UST: variants seen among roughly 807,000 people sequenced by gnomAD.
The protein encoded by UST is chondroitin sulfate 2-O-sulfotransferase.
Under a neutral mutation model 45.6 loss-of-function variants are expected in UST, and 21 were observed. That is an observed-to-expected ratio of 0.46 (90% confidence interval 0.33 to 0.66). The LOEUF is 0.66. Among genes scored for constraint, UST ranks in the 30% least tolerant of loss-of-function variants. The pLI is 0.02. For synonymous variants in UST, 215 were observed against 200.6 expected, an observed-to-expected ratio of 1.07 and a Z score of -0.61; for missense variants, 463 against 512.4, an observed-to-expected ratio of 0.90 and a Z score of 0.93.
chr6:148,835,808 C>T (rs147499610), intron 1 of UST, among the ~76,000 whole-genome samples: 3 of 152,242 alleles, frequency 2.0e-5, no homozygotes, highest in Admixed American at 2.0e-4. Context: ...TAGGAAGTTC[C>T]GAGCAATCAG....
intron 1 of UST, among the ~76,000 whole-genome samples, chr6:148,869,232 C>T (rs1778504229): frequency 6.6e-6 from 1 of 152,166 alleles, no homozygotes; most frequent in Non-Finnish European, 1.5e-5. Flanking sequence ...TTTATCTGTG[C>T]ATAGAGTAAC....
At chr6:148,813,630 T>G (rs1777300901) in intron 1 of UST, among the ~76,000 whole-genome samples, 1 of 152,196 alleles carries the variant, frequency 6.6e-6, no homozygotes, top group African/African-American at 2.4e-5. Context: ...TCCACCCACC[T>G]TGGCCTCCCA....
chr6:148,855,722 T>C (rs1465566628), intron 1 of UST, among the ~76,000 whole-genome samples: 1 of 152,186 alleles, frequency 6.6e-6, no homozygotes, highest in Non-Finnish European at 1.5e-5. Flanking sequence ...CTCACTAATG[T>C]TCATAATATT....
At chr6:148,917,119 G>A (rs2114888817) in intron 2 of UST, among the ~76,000 whole-genome samples, 1 of 152,352 alleles carries the variant, frequency 6.6e-6, no homozygotes, top group East Asian at 1.9e-4. Context: ...CAGTCACCCT[G>A]TAGGCTCCAA....
chr6:148,752,891 G>A (rs1047663445), intron 1 of UST, among the ~76,000 whole-genome samples: 2 of 151,542 alleles, frequency 1.3e-5, no homozygotes. Flanking sequence ...CTTTTTTTTT[G>A]TTTTTTGGAA....
intron 5 of UST, among the ~76,000 whole-genome samples, chr6:148,971,603 C>A (rs1275420105): frequency 6.6e-6 from 1 of 151,912 alleles, no homozygotes; most frequent in East Asian, 1.9e-4. Flanking sequence ...GGAAGAACAC[C>A]CAGGCATAGG....
intron 1 of UST, among the ~76,000 whole-genome samples, chr6:148,820,701 A>G (rs186844078): frequency 1.3e-5 from 2 of 151,708 alleles, no homozygotes; most frequent in African/African-American, 4.8e-5. Context: ...ATACAAAAAA[A>G]AATTAGCCAG....
chr6:148,949,395 A>AAAT (rs71007932), intron 3 of UST, among the ~76,000 whole-genome samples: 9,603 of 136,756 alleles, frequency 0.07, 363 homozygotes, highest in Middle Eastern at 0.086. Flanking sequence ...CTTTGTCTCA[A>AAAT]AATAATAATA....
chr6:148,901,851 G>T (rs1428658557), intron 2 of UST, among the ~76,000 whole-genome samples: 2 of 152,046 alleles, frequency 1.3e-5, no homozygotes, highest in Non-Finnish European at 2.9e-5. Context: ...GAGCCACTGC[G>T]CCTGGCTGAC....
Position 148,964,456 on chromosome 6 carries a change from G to A in UST, c.574G>A (p.Val192Ile), listed in dbSNP as rs377151286. 3.3e-5 allele frequency: 54 copies of A among 1,614,038 alleles called. No homozygotes were observed. The highest frequency in any genetic ancestry group is 6.6e-5 in the South Asian group (6 of 91,092). Residue 192 changes from valine (V) to isoleucine (I), a missense_variant, in exon 5 of 8, where the codon GTC becomes ATC. Physicochemically the swap from Val to Ile is conservative, Grantham distance 29. Around this residue, in one of 2 missense-constraint regions of UST, gnomAD observed 287 missense variants for 374.2 expected, o/e 0.77. Coordinates refer to ENST00000367463, the MANE Select transcript of UST (RefSeq NM_005715.3). Reference sequence around the variant, plus strand: ...CTACATCAACATCATTAGAGACCCCGTCAACCGGTTCTTATCCAACTATTT... The same window carrying A: ...CTACATCAACATCATTAGAGACCCCATCAACCGGTTCTTATCCAACTATTT... Reference protein sequence around the residue: ...PVYINIIRDPVNRFLSNYFFR... With the variant: ...PVYINIIRDPINRFLSNYFFR...
At chr6:148,836,899 AC>A (rs1208559397) in intron 1 of UST, among the ~76,000 whole-genome samples, 2 of 152,212 alleles carry the variant, frequency 1.3e-5, no homozygotes, top group East Asian at 3.8e-4. Flanking sequence ...GAAGACACTT[AC>A]ATTTGGGGGA....
In UST at chr6:148,883,845, C is replaced by T. The variant is rs530747273; in HGVS notation, c.248-3141C>T. Among the ~76,000 whole-genome samples the T allele has an allele frequency of 2.0e-5, 3 of 152,260 alleles. No individual in the cohort carries two copies. In the East Asian group the frequency reaches 5.8e-4, roughly 29 times the overall value. On this transcript the variant is annotated intron_variant, in intron 1 of 7. Coordinates refer to ENST00000367463, the MANE Select transcript of UST (RefSeq NM_005715.3). ...AGTGCTTCTGTTCACTTATTAAAAACACTGGGCCAGGCGCAGTGGCTCACG... is the reference window on the plus strand; with the variant it reads ...AGTGCTTCTGTTCACTTATTAAAAATACTGGGCCAGGCGCAGTGGCTCACG...
intron 1 of UST, among the ~76,000 whole-genome samples, chr6:148,832,351 A>G (rs184019273): frequency 3.3e-4 from 51 of 152,376 alleles, no homozygotes; most frequent in African/African-American, 1.2e-3. Flanking sequence ...GAAATCATCC[A>G]AAATGGGATG....
At chr6:148,753,637 T>C (rs1486839132) in intron 1 of UST, among the ~76,000 whole-genome samples, 1 of 152,204 alleles carries the variant, frequency 6.6e-6, no homozygotes, top group Non-Finnish European at 1.5e-5. Context: ...CTATGAACAT[T>C]TGTGTTGCAA....
At chr6:148,841,634 C>A (rs901612698) in intron 1 of UST, among the ~76,000 whole-genome samples, 198 of 146,500 alleles carry the variant, frequency 1.4e-3, no homozygotes, top group African/African-American at 4.8e-3. Flanking sequence ...ATTGTTGCTG[C>A]TTTTTCCAGG....
At chr6:148,833,296 TG>T (rs1421103610) in intron 1 of UST, among the ~76,000 whole-genome samples, 2 of 152,160 alleles carry the variant, frequency 1.3e-5, no homozygotes, top group African/African-American at 4.8e-5. Flanking sequence ...GAGACCAGCC[TG>T]GGCAACACGG....
At chr6:148,953,771 CAAAAAAAA>C in intron 3 of UST, 93 bp from the exon 4 acceptor site, 2 of 261,882 alleles carry the variant, frequency 7.6e-6, no homozygotes, top group Non-Finnish European at 6.1e-6. Flanking sequence ...GACTCCATCT[CAAAAAAAA>C]AAAAAAAAAA....
intron 1 of UST, among the ~76,000 whole-genome samples, chr6:148,853,568 A>T (rs187660581): frequency 2.0e-5 from 3 of 152,170 alleles, no homozygotes; most frequent in African/African-American, 4.8e-5. Context: ...ACTAATTTAC[A>T]TTCCCACCAA....
intron 2 of UST, among the ~76,000 whole-genome samples, chr6:148,917,072 G>T (rs1337119437): frequency 1.3e-5 from 2 of 152,238 alleles, no homozygotes; most frequent in Non-Finnish European, 2.9e-5. Context: ...AAGGGAAGAG[G>T]AGGGGAGGGG....
Sources: gnomAD v4.1 joint callset for allele counts (sites outside exome capture counted in the v4.1 genomes callset) on GRCh38, gnomAD v4.1.1 for gene constraint, gnomAD v4.1.1 regional missense constraint, MANE v1.5 for transcripts, NCBI Gene and HGNC (gene_info 2026-07-23, HGNC 2026-07-21) for gene names.